Variants in PAPSS1 observed in about 807,000 individuals in gnomAD.
PAPSS1 encodes bifunctional 3'-phosphoadenosine 5'-phosphosulfate synthase 1.
Under a neutral mutation model 72.0 loss-of-function variants are expected in PAPSS1, and 50 were observed. The observed-to-expected ratio is 0.69, with a 90% CI of 0.55 to 0.88. The LOEUF (loss-of-function observed/expected upper bound fraction) is 0.88. Ranked by LOEUF, PAPSS1 falls within the 40% of genes least tolerant of loss-of-function variation. The probability of loss-of-function intolerance (pLI) is 0.00; values close to 1 mark genes in which losing one functional copy is unlikely to be tolerated. For synonymous variants in PAPSS1, 261 were observed against 263.6 expected, an observed-to-expected ratio of 0.99 and a Z score of 0.09; for missense variants, 657 against 782.2, an observed-to-expected ratio of 0.84 and a Z score of 1.91.
At chr4:107,618,737 C>T (rs759587179) in intron 11 of PAPSS1, among the ~76,000 whole-genome samples, 2 of 151,998 alleles carry the variant, frequency 1.3e-5, no homozygotes, top group Non-Finnish European at 2.9e-5. Flanking sequence ...ATAAAATAAT[C>T]CATCCATGCA....
At chr4:107,655,180 A>G (rs989601255) in intron 7 of PAPSS1, among the ~76,000 whole-genome samples, 4 of 152,294 alleles carry the variant, frequency 2.6e-5, no homozygotes, top group South Asian at 2.1e-4. Flanking sequence ...ATAGAATTAC[A>G]TAAGTAAAAC....
chr4:107,677,637 A>G (rs1727690029), intron 5 of PAPSS1, among the ~76,000 whole-genome samples: 1 of 152,212 alleles, frequency 6.6e-6, no homozygotes, highest in Non-Finnish European at 1.5e-5. Context: ...GCAATTCCTC[A>G]GGGATCTAGA....
intron 4 of PAPSS1, among the ~76,000 whole-genome samples, chr4:107,686,373 T>C (rs552647946): frequency 2.2e-4 from 33 of 152,360 alleles, no homozygotes; most frequent in Middle Eastern, 6.8e-3. Flanking sequence ...TAATACCTAG[T>C]ACAATGTAAA....
chr4:107,703,820 T>G (rs1446030162), intron 1 of PAPSS1, among the ~76,000 whole-genome samples: 3 of 152,198 alleles, frequency 2.0e-5, no homozygotes, highest in Admixed American at 2.0e-4. Flanking sequence ...TCAAGATTGC[T>G]TTGGTTATCT....
intron 5 of PAPSS1, among the ~76,000 whole-genome samples, chr4:107,679,681 C>CTT (rs61604092): frequency 1.4e-5 from 2 of 142,308 alleles, no homozygotes; most frequent in Non-Finnish European, 3.1e-5. Flanking sequence ...TGAGGCAGGA[C>CTT]TTTTTTTTTT....
intron 9 of PAPSS1, among the ~76,000 whole-genome samples, chr4:107,645,815 A>G (rs1726678801): frequency 1.3e-5 from 2 of 152,154 alleles, no homozygotes; most frequent in African/African-American, 4.8e-5. Flanking sequence ...GCATCATGCC[A>G]TGCTGATCCC....
chr4:107,634,513 T>G (rs994571914), intron 10 of PAPSS1, among the ~76,000 whole-genome samples: 3 of 152,156 alleles, frequency 2.0e-5, no homozygotes, highest in African/African-American at 7.2e-5. Context: ...TCCAAGTAAA[T>G]GGTGGATCAT....
intron 2 of PAPSS1, among the ~76,000 whole-genome samples, chr4:107,694,972 G>A (rs147587564): frequency 6.6e-6 from 1 of 152,030 alleles, no homozygotes; most frequent in African/African-American, 2.4e-5. Context: ...ATAGAAGAGA[G>A]GGCTTTTTTT....
chr4:107,703,420 A>AG (rs1209234598), intron 1 of PAPSS1, among the ~76,000 whole-genome samples: 7 of 151,742 alleles, frequency 4.6e-5, no homozygotes, highest in Non-Finnish European at 1.0e-4. Flanking sequence ...TATCCAAAAA[A>AG]AAAAAAAATC....
intron 5 of PAPSS1, among the ~76,000 whole-genome samples, chr4:107,665,387 A>ACTTTATTTGGGATTCATTAGGATTTCCAC (rs1727289442): frequency 3.3e-5 from 5 of 152,338 alleles, no homozygotes; most frequent in African/African-American, 9.6e-5. Context: ...TGAGCTATCC[A>ACTTTATTTGGGATTCATTAGGATTTCCAC]CTTTATTTGG....
At chr4:107,659,167 T>C (rs1727099449) in intron 6 of PAPSS1, among the ~76,000 whole-genome samples, 1 of 152,214 alleles carries the variant, frequency 6.6e-6, no homozygotes, top group Admixed American at 6.5e-5. Context: ...CTGGCATGTC[T>C]TGGTTTCTGG....
intron 11 of PAPSS1, among the ~76,000 whole-genome samples, chr4:107,616,386 T>C (rs544151468): frequency 6.3e-4 from 96 of 152,276 alleles, no homozygotes; most frequent in African/African-American, 2.2e-3. Context: ...ACAATTATAA[T>C]GGCTATTAAC....
At chr4:107,659,417 C>T (rs113717059) in intron 6 of PAPSS1, among the ~76,000 whole-genome samples, 1,545 of 152,170 alleles carry the variant, frequency 0.01, 29 homozygotes, top group African/African-American at 0.034. Flanking sequence ...TTAAAGTATA[C>T]ATAAATGATA....
At chr4:107,695,415 A>T (rs186319807) in intron 2 of PAPSS1, among the ~76,000 whole-genome samples, 9 of 152,306 alleles carry the variant, frequency 5.9e-5, no homozygotes, top group Admixed American at 5.9e-4. Flanking sequence ...CTTTCTAAAC[A>T]TAGAATCATG....
At chr4:107,695,548 A>T (rs571472999) in intron 2 of PAPSS1, among the ~76,000 whole-genome samples, 1 of 152,242 alleles carries the variant, frequency 6.6e-6, no homozygotes, top group South Asian at 2.1e-4. Context: ...GTGGTGAGAG[A>T]CAGCATCCTT....
At chr4:107,675,728 CA>C (rs1209015752) in intron 5 of PAPSS1, among the ~76,000 whole-genome samples, 1 of 151,880 alleles carries the variant, frequency 6.6e-6, no homozygotes, top group Non-Finnish European at 1.5e-5. Context: ...AGAGACACAG[CA>C]AAAAAAGAAA....
intron 8 of PAPSS1, among the ~76,000 whole-genome samples, 165 bp from the exon 9 acceptor site, chr4:107,653,791 C>T (rs1353988869): frequency 6.6e-6 from 1 of 152,076 alleles, no homozygotes; most frequent in Non-Finnish European, 1.5e-5. Context: ...AAATTAGAAT[C>T]GATTTTGTGA....
At chr4:107,689,339 C>T (rs1315149810) in intron 3 of PAPSS1, among the ~76,000 whole-genome samples, 2 of 152,122 alleles carry the variant, frequency 1.3e-5, no homozygotes, top group African/African-American at 2.4e-5. Context: ...CTTAGGCCTC[C>T]CCACGCCACA....
chr4:107,679,080 T>C (rs1237960042), intron 5 of PAPSS1, among the ~76,000 whole-genome samples: 2 of 152,048 alleles, frequency 1.3e-5, no homozygotes, highest in Non-Finnish European at 2.9e-5. Context: ...AAGCAGAGAT[T>C]AGCTGTTATG....
Sources: gnomAD v4.1 joint callset for allele counts (sites outside exome capture counted in the v4.1 genomes callset) on GRCh38, gnomAD v4.1.1 for gene constraint, MANE v1.5 for transcripts, NCBI Gene and HGNC (gene_info 2026-07-23, HGNC 2026-07-21) for gene names.